Variants in LMO7 observed in about 807,000 individuals in gnomAD.
LMO7 encodes the protein LIM domain only protein 7.
LMO7 carries 120 observed loss-of-function variants against 206.5 expected under a neutral mutation model. The observed-to-expected ratio is 0.58, with a 90% confidence interval of 0.50 to 0.68. LMO7 has a LOEUF of 0.68. Ranked by LOEUF, LMO7 falls within the 30% of genes least tolerant of loss-of-function variation. The pLI is 0.00. For missense variants in LMO7, 1,959 were observed against 1,957.9 expected (o/e 1.00, Z -0.01); for synonymous variants, 706 against 681.5 (o/e 1.04, Z -0.56).
chr13:75,846,633 G>A (rs962513489), intron 26 of LMO7, among the ~76,000 whole-genome samples: 3 of 152,072 alleles, frequency 2.0e-5, no homozygotes, highest in Admixed American at 2.0e-4. Context: ...GTGAATCTCC[G>A]GAATAATCTT....
intron 24 of LMO7, among the ~76,000 whole-genome samples, 190 bp from the exon 25 acceptor site, chr13:75,842,661 A>G (rs555752247): frequency 2.6e-5 from 4 of 152,254 alleles, no homozygotes; most frequent in African/African-American, 7.2e-5. Context: ...TGGCTTGCAA[A>G]TGTCTGTTGG....
In LMO7 at chr13:75,847,450, T is replaced by G. The variant is rs1421286714; in HGVS notation, c.4151-1629T>G. On this transcript the variant is annotated intron_variant, in intron 26 of 30. Transcript: ENST00000377534. ...AACATTTATGGATGATTATTTGGAT[T>G]GCTTGAATATTTTTCCTGTTCACAA... Among the ~76,000 whole-genome samples, 6 of 152,344 alleles carry G rather than the reference T, an allele frequency of 3.9e-5. No homozygotes were observed. The South Asian group carries it at 1.2e-3, about 32-fold the overall frequency.
At chr13:75,732,879 A>G (rs559666640) in intron 3 of LMO7, among the ~76,000 whole-genome samples, 78 of 152,270 alleles carry the variant, frequency 5.1e-4, no homozygotes, top group African/African-American at 1.9e-3. Flanking sequence ...GGAGTTTGCT[A>G]GAGGTCCACT....
At chr13:75,697,585 A>C (rs1380566121) in intron 1 of LMO7, among the ~76,000 whole-genome samples, 1 of 152,202 alleles carries the variant, frequency 6.6e-6, no homozygotes, top group African/African-American at 2.4e-5. Context: ...ACAATTCACA[A>C]TGAGATTTGG....
chr13:75,807,223 C>G, intron 9 of LMO7: 1 of 429,560 alleles, frequency 2.3e-6, no homozygotes. Flanking sequence ...CCATCCGTGG[C>G]CTCCATGGTG....
At chr13:75,809,924 C>T (rs2056119721) in intron 11 of LMO7, among the ~76,000 whole-genome samples, 2 of 151,250 alleles carry the variant, frequency 1.3e-5, no homozygotes, top group Non-Finnish European at 2.9e-5. Flanking sequence ...TTCCACCTCC[C>T]AGGTTCAAGC....
intron 22 of LMO7, 32 bp from the exon 23 acceptor site, chr13:75,841,077 A>G (rs867971813): frequency 7.4e-7 from 1 of 1,346,864 alleles, no homozygotes; most frequent in Non-Finnish European, 1.1e-6. Flanking sequence ...GAGTTAATCT[A>G]TTGGATTAAT....
intron 1 of LMO7, among the ~76,000 whole-genome samples, chr13:75,701,856 C>T (rs1418764857): frequency 3.0e-4 from 45 of 152,156 alleles, no homozygotes; most frequent in Admixed American, 2.9e-3. Flanking sequence ...TACCTGGCCC[C>T]TAATAGGACT....
intron 2 of LMO7, among the ~76,000 whole-genome samples, chr13:75,723,798 C>T (rs1315224202): frequency 6.6e-6 from 1 of 152,072 alleles, no homozygotes; most frequent in Non-Finnish European, 1.5e-5. Context: ...TGAGAGATGT[C>T]TTAGTCTGTT....
At chr13:75,658,951 GAACTC>G (rs1486402575) in intron 1 of LMO7, among the ~76,000 whole-genome samples, 5 of 152,068 alleles carry the variant, frequency 3.3e-5, no homozygotes, top group African/African-American at 4.8e-5. Context: ...TTCTATTCAG[GAACTC>G]AACTCTTATT....
chr13:75,691,405 T>A (rs1359888913), intron 1 of LMO7, among the ~76,000 whole-genome samples: 1 of 152,188 alleles, frequency 6.6e-6, no homozygotes, highest in Non-Finnish European at 1.5e-5. Flanking sequence ...GACTTAACAG[T>A]AAACAACCTG....
upstream of LMO7, among the ~76,000 whole-genome samples, chr13:75,633,128 G>A (rs549529411): frequency 3.3e-5 from 5 of 152,104 alleles, no homozygotes; most frequent in East Asian, 5.8e-4. Flanking sequence ...CTCCCAAAGC[G>A]CTGGGATTAC....
chr13:75,674,853 G>A (rs948970092), intron 1 of LMO7, among the ~76,000 whole-genome samples: 2 of 152,174 alleles, frequency 1.3e-5, no homozygotes, highest in African/African-American at 4.8e-5. Flanking sequence ...TCTGGTTATA[G>A]TAATGGAATA....
rs77729190 is a variant in LMO7 at position 75,658,119 on chromosome 13, G to A, written c.69+21393G>A. Among the ~76,000 whole-genome samples the A allele has an allele frequency of 3.0e-3, 446 of 149,162 alleles. 6 individuals are homozygous for A. In the East Asian group the frequency reaches 0.045, roughly 15 times the overall value. On this transcript the variant is annotated intron_variant, in intron 1 of 30. Coordinates refer to ENST00000377534, the MANE Select transcript of LMO7 (RefSeq NM_001306080.2). ...ATATATTGAATAATCTATTCCTTCC[G>A]TCCTTGCTGCTTCCTTAAAAATATG... is the stretch of plus-strand genomic sequence containing the variant.
chr13:75,728,892 C>T (rs867502190), intron 3 of LMO7, among the ~76,000 whole-genome samples: 1 of 146,212 alleles, frequency 6.8e-6, no homozygotes, highest in African/African-American at 2.6e-5. Flanking sequence ...AATCCTTTCC[C>T]CATTGCTTGT....
chr13:75,693,085 TC>T (rs2041622179), intron 1 of LMO7, among the ~76,000 whole-genome samples: 1 of 152,184 alleles, frequency 6.6e-6, no homozygotes, highest in South Asian at 2.1e-4. Context: ...TCTCACTTAA[TC>T]ACTGAAGCTA....
intron 3 of LMO7, among the ~76,000 whole-genome samples, chr13:75,737,764 A>T (rs1218884785): frequency 1.5e-4 from 4 of 26,728 alleles, no homozygotes; most frequent in Admixed American, 5.4e-4. Flanking sequence ...AAAAAAAAAA[A>T]AATAAAATAA....
At position 75,751,149 on chromosome 13, in the gene LMO7, C is replaced by CTTTT. The variant is rs57976279; in HGVS notation, c.211-9757_211-9754dup. Reference sequence around the variant, plus strand: ...CATGTACTCAGCTCTTTTTTCAGCTCTTTTTTTTTTTTTTTTTTTTTTTTT... The same window carrying CTTTT: ...CATGTACTCAGCTCTTTTTTCAGCTCTTTTTTTTTTTTTTTTTTTTTTTTTTTTT... On this transcript the variant is annotated intron_variant, in intron 3 of 30. Transcript: ENST00000377534. 6.9e-3 allele frequency among the ~76,000 whole-genome samples: 415 copies of CTTTT among 60,422 alleles called. 59 individuals are homozygous for CTTTT. Among genetic ancestry groups the CTTTT allele is most frequent in the Non-Finnish European group, 8.1e-3 (287 of 35,414 alleles). The allele number at this position is 60,422 out of a possible 152,430, so 39.6% of individuals were successfully genotyped here.
In LMO7 at chr13:75,795,329, G is replaced by GT. The variant is rs534270495; in HGVS notation, c.318-65dup. The GT allele has an allele frequency of 3.9e-4, 398 of 1,023,750 alleles. 1 individual carries two copies. The African/African-American group carries it at 5.7e-3, about 15-fold the overall frequency. The allele number at this position is 1,023,750 out of a possible 1,614,324, so 63.4% of individuals were successfully genotyped here. On this transcript the variant is annotated intron_variant, in intron 4 of 30. Transcript: ENST00000377534. ...TCATAGAATTTTAGAATAAAAATGA[G>GT]TTTTTTTCTAGCTATAATTAATAAT...
Sources: allele counts gnomAD v4.1 joint callset (sites outside exome capture counted in the v4.1 genomes callset), GRCh38; gene constraint gnomAD v4.1.1; transcripts MANE v1.5; gene names NCBI Gene and HGNC (gene_info 2026-07-23, HGNC 2026-07-21).